SORCS1: variants seen among roughly 807,000 people sequenced by gnomAD.
The protein encoded by SORCS1 is sortilin related VPS10 domain containing receptor 1, also known as VPS10 domain-containing receptor SorCS1.
A neutral mutation model predicts 146.1 loss-of-function variants in SORCS1; 60 were observed. That is an observed-to-expected ratio of 0.41 (90% CI 0.33 to 0.51). SORCS1 has a LOEUF of 0.51. SORCS1 is among the 20% of genes least tolerant of loss of function. The pLI, the probability that SORCS1 is intolerant of heterozygous loss-of-function variation, is 0.21. For synonymous variants in SORCS1, 637 were observed against 584.0 expected, an observed-to-expected ratio of 1.09 and a Z score of -1.31; for missense variants, 1,352 against 1,487.6, an observed-to-expected ratio of 0.91 and a Z score of 1.50.
chr10:106,625,012 G>C (rs1848002154), intron 19 of SORCS1, among the ~76,000 whole-genome samples: 1 of 152,210 alleles, frequency 6.6e-6, no homozygotes, highest in Non-Finnish European at 1.5e-5. Flanking sequence ...GGCTCCATCA[G>C]ACAGGTGCCT....
At chr10:106,996,626 A>T (rs1372883606) in intron 1 of SORCS1, among the ~76,000 whole-genome samples, 1 of 152,198 alleles carries the variant, frequency 6.6e-6, no homozygotes, top group East Asian at 1.9e-4. Flanking sequence ...GTACCAAAAA[A>T]ATCAGAAGCA....
chr10:106,695,602 A>AC (rs1853635645), intron 9 of SORCS1, among the ~76,000 whole-genome samples: 1 of 152,208 alleles, frequency 6.6e-6, no homozygotes, highest in African/African-American at 2.4e-5. Context: ...AACAGTCCCT[A>AC]CCTCATAATG....
chr10:106,865,224 C>A (rs1950184702), intron 2 of SORCS1, among the ~76,000 whole-genome samples: 1 of 152,064 alleles, frequency 6.6e-6, no homozygotes, highest in Non-Finnish European at 1.5e-5. Context: ...GCCTCCCAAC[C>A]CGGATCTCCA....
At chr10:106,883,733 G>A (rs947103570) in intron 2 of SORCS1, among the ~76,000 whole-genome samples, 1 of 152,138 alleles carries the variant, frequency 6.6e-6, no homozygotes, top group African/African-American at 2.4e-5. Flanking sequence ...TTAACCAATG[G>A]TCTTGGTTGT....
rs896987643 is a variant in SORCS1 at position 107,041,288 on chromosome 10, A to T, written c.559-84708T>A. ...AGGGTCTCTCTTGCTGCTGCAGTTA[A>T]GCATTTGATGATGTTGTCTATCTCT... is the stretch of plus-strand genomic sequence containing the variant. On this transcript the variant is annotated intron_variant, in intron 1 of 25. Transcript: ENST00000263054. Among the ~76,000 whole-genome samples the T allele has an allele frequency of 4.6e-5, 7 of 152,116 alleles. 1 individual carries two copies. The highest frequency in any genetic ancestry group is 1.3e-4 in the Admixed American group (2 of 15,272).
chr10:106,816,322 T>C (rs1947739036), intron 3 of SORCS1, among the ~76,000 whole-genome samples: 1 of 152,232 alleles, frequency 6.6e-6, no homozygotes, highest in Non-Finnish European at 1.5e-5. Flanking sequence ...CCAAATGCCC[T>C]AAACCTAAAT....
chr10:106,962,417 A>G (rs1275916827), intron 1 of SORCS1, among the ~76,000 whole-genome samples: 1 of 142,638 alleles, frequency 7.0e-6, no homozygotes, highest in Non-Finnish European at 1.5e-5. Context: ...AAAAAAAAAG[A>G]AAGAAAAGAA....
At position 106,960,561 on chromosome 10, in the gene SORCS1, C is replaced by G. The variant is rs548708442; in HGVS notation, c.559-3981G>C. Reference sequence around the variant, plus strand: ...CTGAGACTACAGGTGCGCCACCACACCCAGCTAATTTTTGTACTTTTAGTA... The same window carrying G: ...CTGAGACTACAGGTGCGCCACCACAGCCAGCTAATTTTTGTACTTTTAGTA... On this transcript the variant is annotated intron_variant, in intron 1 of 25. Coordinates refer to ENST00000263054, the MANE Select transcript of SORCS1 (RefSeq NM_052918.5). This position sits in a 1 kb window ranked among gnomAD's most constrained non-coding sequence, Gnocchi z 4.4. 1.3e-5 allele frequency among the ~76,000 whole-genome samples: 2 copies of G among 152,136 alleles called. No individual in the cohort carries two copies. The highest frequency in any genetic ancestry group is 4.2e-4 in the South Asian group (2 of 4,812).
intron 23 of SORCS1, among the ~76,000 whole-genome samples, chr10:106,606,582 T>C (rs1264447109): frequency 1.3e-5 from 2 of 152,202 alleles, no homozygotes; most frequent in Non-Finnish European, 2.9e-5. Context: ...TTTGTGTTGG[T>C]ATACATAGAT....
Position 106,960,644 on chromosome 10 carries a change from A to AAAGT in SORCS1, c.559-4065_559-4064insACTT, listed in dbSNP as rs1955180695. Among the ~76,000 whole-genome samples, 1 of 151,980 alleles carries AAAGT rather than the reference A, an allele frequency of 6.6e-6. No individual in the cohort carries two copies. The highest frequency in any genetic ancestry group is 1.9e-4 in the East Asian group (1 of 5,160). The stretch of plus-strand genomic sequence containing the variant: ...TCTCGATCTCTTGACCTCGTGATCC[A>AAAGT]CCTGACTCAGCCTCCCAAAGTGCTG... On this transcript the variant is annotated intron_variant, in intron 1 of 25. Transcript: ENST00000263054. The surrounding 1 kb of genome is among the most constrained non-coding windows in gnomAD (Gnocchi z 4.4).
chr10:106,992,305 C>T (rs1449442009), intron 1 of SORCS1, among the ~76,000 whole-genome samples: 2 of 152,068 alleles, frequency 1.3e-5, no homozygotes, highest in African/African-American at 4.8e-5. Context: ...GTGGAGTGGT[C>T]TTCTGGATAA....
At chr10:106,740,982 C>G (rs970480330) in intron 5 of SORCS1, among the ~76,000 whole-genome samples, 1 of 152,106 alleles carries the variant, frequency 6.6e-6, no homozygotes, top group Non-Finnish European at 1.5e-5. Context: ...CCGAATAATA[C>G]GATTGTTGTG....
In SORCS1 at chr10:106,776,741, C is replaced by T. The variant is rs780367719; in HGVS notation, c.727-49G>A. The T allele has an allele frequency of 1.3e-5, 21 of 1,579,704 alleles. No individual in the cohort carries two copies. The South Asian group carries it at 2.1e-4, about 16-fold the overall frequency. Reference sequence around the variant, plus strand: ...AAGAAACAACAGAAAATTAAGTTTACAAATTTGCAAAACTTGAAAATTAGC... The same window carrying T: ...AAGAAACAACAGAAAATTAAGTTTATAAATTTGCAAAACTTGAAAATTAGC... On this transcript the variant is annotated intron_variant, in intron 3 of 25. Transcript: ENST00000263054.
intron 3 of SORCS1, among the ~76,000 whole-genome samples, chr10:106,784,209 C>T (rs1025001703): frequency 7.9e-5 from 12 of 152,088 alleles, no homozygotes; most frequent in African/African-American, 2.9e-4. Context: ...TCCTGGCTAA[C>T]ACAGTGAAAC....
At chr10:106,838,251 G>C (rs1466358327) in intron 2 of SORCS1, among the ~76,000 whole-genome samples, 1 of 152,160 alleles carries the variant, frequency 6.6e-6, no homozygotes, top group African/African-American at 2.4e-5. Context: ...TCGGTTCTAT[G>C]CCCTCTACTT....
At position 106,844,904 on chromosome 10, in the gene SORCS1, C is replaced by T. The variant is rs375425171; in HGVS notation, c.627-15231G>A. Among the ~76,000 whole-genome samples, 39 of 150,046 alleles carry T rather than the reference C, an allele frequency of 2.6e-4. No individual in the cohort carries two copies. The East Asian group carries it at 6.9e-3, about 27-fold the overall frequency. ...ATTTCATCCATGGCCCTACAAAGGA[C>T]ATGAACTCATCATTTTTTATGGCTG... On this transcript the variant is annotated intron_variant, in intron 2 of 25. Coordinates refer to ENST00000263054, the MANE Select transcript of SORCS1 (RefSeq NM_052918.5).
chr10:107,021,625 A>C (rs1323825583), intron 1 of SORCS1, among the ~76,000 whole-genome samples: 1 of 150,864 alleles, frequency 6.6e-6, no homozygotes, highest in East Asian at 2.0e-4. Flanking sequence ...GACCTTCTTG[A>C]TCTAAAAATT....
chr10:107,077,807 C>T (rs1963011712), intron 1 of SORCS1, among the ~76,000 whole-genome samples: 1 of 151,836 alleles, frequency 6.6e-6, no homozygotes, highest in African/African-American at 2.4e-5. Flanking sequence ...AAATATACTA[C>T]ATATGGCAAT....
At chr10:107,114,069 AC>A (rs1965868395) in intron 1 of SORCS1, among the ~76,000 whole-genome samples, 1 of 152,198 alleles carries the variant, frequency 6.6e-6, no homozygotes, top group South Asian at 2.1e-4. Context: ...ATTCCTAGAA[AC>A]ATTCCACCTA....
Sources: allele counts gnomAD v4.1 joint callset (sites outside exome capture counted in the v4.1 genomes callset), GRCh38; gene constraint gnomAD v4.1.1; non-coding constraint Gnocchi (gnomAD v3.1); transcripts MANE v1.5; gene names NCBI Gene and HGNC (gene_info 2026-07-23, HGNC 2026-07-21).